The following NEMP2 variants were observed in gnomAD, a reference collection of about 807,000 sequenced individuals.
NEMP2 encodes nuclear envelope integral membrane protein 2.
NEMP2 carries 53 observed loss-of-function variants against 54.2 expected under a neutral mutation model. The observed-to-expected ratio is 0.98, with a 90% confidence interval of 0.78 to 1.23. The LOEUF (loss-of-function observed/expected upper bound fraction) is 1.23. NEMP2 is among the 50% of genes most tolerant of loss of function. The probability of loss-of-function intolerance (pLI) is 0.00; values close to 1 mark genes in which losing one functional copy is unlikely to be tolerated. For missense variants in NEMP2, 455 were observed against 511.3 expected (o/e 0.89, Z 1.06); for synonymous variants, 197 against 190.3 (o/e 1.04, Z -0.29).
chr2:190,443,687 C>G, the NEMP2 span, among the ~76,000 whole-genome samples: 2 of 152,126 alleles, frequency 1.3e-5, no homozygotes, highest in Non-Finnish European at 2.9e-5. This position sits in a 1 kb window ranked among gnomAD's most constrained non-coding sequence, Gnocchi z 4.2. Context: ...GGAGTTATAT[C>G]AAATTGGAAG....
the NEMP2 span, among the ~76,000 whole-genome samples, chr2:190,473,122 C>G: frequency 1.3e-5 from 2 of 152,202 alleles, no homozygotes; most frequent in African/African-American, 4.8e-5. Context: ...GTACCAGCTA[C>G]TGCAAAAACA....
Position 190,508,959 on chromosome 2 carries a change from G to A in NEMP2, c.*230C>T. 1.9e-6 allele frequency: 1 copy of A among 532,280 alleles called. No homozygotes were observed. Among genetic ancestry groups the A allele is most frequent in the South Asian group, 2.6e-5 (1 of 38,282 alleles). 33.0% of individuals were successfully genotyped at this position (532,280 alleles called of 1,614,324 possible). A position where few individuals can be genotyped will look rare whatever the true frequency, so the allele number is the denominator to read the frequency against. On this transcript the variant is annotated 3_prime_UTR_variant, in exon 9 of 9. Transcript: ENST00000409150. This position sits in a 1 kb window ranked among gnomAD's most constrained non-coding sequence, Gnocchi z 4.3. Reference sequence around the variant, plus strand: ...GCCTTCATTCAAGGTAAGTGGTAGTGGCTGTCACAGAATTTTGGTATCCAC... The same window carrying A: ...GCCTTCATTCAAGGTAAGTGGTAGTAGCTGTCACAGAATTTTGGTATCCAC...
chr2:190,455,780 C>A, the NEMP2 span, among the ~76,000 whole-genome samples: 1 of 150,654 alleles, frequency 6.6e-6, no homozygotes, highest in Non-Finnish European at 1.5e-5. Flanking sequence ...TTTTGTGATT[C>A]CTGTCACAAA....
At chr2:190,580,658 A>G in the NEMP2 span, among the ~76,000 whole-genome samples, 1 of 152,206 alleles carries the variant, frequency 6.6e-6, no homozygotes, top group Non-Finnish European at 1.5e-5. The surrounding 1 kb of genome is among the most constrained non-coding windows in gnomAD (Gnocchi z 5.3). Flanking sequence ...AAGACACTAC[A>G]GGATAAAGCT....
the NEMP2 span, among the ~76,000 whole-genome samples, chr2:190,453,525 C>G: frequency 6.6e-6 from 1 of 152,194 alleles, no homozygotes; most frequent in Non-Finnish European, 1.5e-5. Context: ...AAAGAAGGAA[C>G]ATGCCGTTAT....
chr2:190,516,122 A>T, intron 6 of NEMP2, 148 bp downstream of exon 6: 2 of 551,350 alleles, frequency 3.6e-6, no homozygotes, highest in Non-Finnish European at 6.4e-6. Context: ...TGGGAATAAG[A>T]TAAACAAAAT....
chr2:190,624,334 C>T, the NEMP2 span, among the ~76,000 whole-genome samples: 1 of 151,984 alleles, frequency 6.6e-6, no homozygotes, highest in African/African-American at 2.4e-5. Flanking sequence ...AGGGGAATAC[C>T]CATACATTGT....
chr2:190,530,214 C>T lies in NEMP2; in HGVS notation c.97+4345G>A, dbSNP rs1217183983. On this transcript the variant is annotated intron_variant, in intron 1 of 8. Transcript: ENST00000409150. The surrounding 1 kb of genome is among the most constrained non-coding windows in gnomAD (Gnocchi z 4.6). ...TCCTGACTGTTCATGCCTATAGACA[C>T]GCTAGTAAAAGCATGTTGCAGTGTT... 2.0e-5 allele frequency among the ~76,000 whole-genome samples: 3 copies of T among 152,186 alleles called. No homozygotes were observed. Among genetic ancestry groups the T allele is most frequent in the Non-Finnish European group, 4.4e-5 (3 of 68,034 alleles).
the NEMP2 span, among the ~76,000 whole-genome samples, chr2:190,439,796 A>G: frequency 1.2e-4 from 19 of 152,218 alleles, no homozygotes; most frequent in African/African-American, 4.6e-4. The surrounding 1 kb of genome is among the most constrained non-coding windows in gnomAD (Gnocchi z 5.8). Context: ...TTGAATTTTC[A>G]TTCTGTCCAT....
chr2:190,510,880 C>CAA lies in NEMP2; in HGVS notation c.954-345_954-344dup, dbSNP rs1212394251. Among the ~76,000 whole-genome samples the CAA allele has an allele frequency of 3.2e-5, 2 of 63,244 alleles. No homozygotes were observed. Among genetic ancestry groups the CAA allele is most frequent in the Admixed American group, 1.7e-4 (1 of 5,728 alleles). 41.5% of individuals were successfully genotyped at this position (63,244 alleles called of 152,430 possible). The stretch of plus-strand genomic sequence containing the variant: ...TGGGCGACAGAGGGAGACTCCGTCT[C>CAA]AAAAAAAAAAAAAAAAGATTTACAA... On this transcript the variant is annotated intron_variant, in intron 7 of 8. Transcript: ENST00000409150. The surrounding 1 kb of genome is among the most constrained non-coding windows in gnomAD (Gnocchi z 5.7).
chr2:190,579,509 A>T, the NEMP2 span, among the ~76,000 whole-genome samples: 1 of 152,174 alleles, frequency 6.6e-6, no homozygotes, highest in African/African-American at 2.4e-5. Flanking sequence ...AGATGTTATG[A>T]TTCTAGGACT....
chr2:190,476,235 CA>C, the NEMP2 span, among the ~76,000 whole-genome samples: 8 of 152,130 alleles, frequency 5.3e-5, no homozygotes, highest in Admixed American at 2.0e-4. Flanking sequence ...AGAGCTTCTG[CA>C]CAGCAAAAGA....
chr2:190,570,642 CA>C, the NEMP2 span, among the ~76,000 whole-genome samples: 1 of 152,202 alleles, frequency 6.6e-6, no homozygotes, highest in Non-Finnish European at 1.5e-5. The surrounding 1 kb of genome is among the most constrained non-coding windows in gnomAD (Gnocchi z 5.4). Flanking sequence ...CACCCTTTTC[CA>C]GGGGGGAATT....
chr2:190,635,361 C>T, the NEMP2 span, among the ~76,000 whole-genome samples: 1 of 152,226 alleles, frequency 6.6e-6, no homozygotes, highest in African/African-American at 2.4e-5. The surrounding 1 kb of genome is among the most constrained non-coding windows in gnomAD (Gnocchi z 4.1). Context: ...GGACCATGGG[C>T]ATGTGCCACC....
chr2:190,568,102 A>G, the NEMP2 span: 8 of 152,222 alleles, frequency 5.3e-5, no homozygotes, highest in East Asian at 1.5e-3. The surrounding 1 kb of genome is among the most constrained non-coding windows in gnomAD (Gnocchi z 4.7). Context: ...ATCTAAGAAA[A>G]TAAGGGGAAG....
chr2:190,581,951 T>C, the NEMP2 span, among the ~76,000 whole-genome samples: 1 of 152,156 alleles, frequency 6.6e-6, no homozygotes, highest in African/African-American at 2.4e-5. Context: ...AAATCGGGGA[T>C]TCCCTCCAAC....
the NEMP2 span, among the ~76,000 whole-genome samples, chr2:190,619,629 T>A: frequency 1.3e-5 from 2 of 152,180 alleles, no homozygotes; most frequent in Non-Finnish European, 2.9e-5. The surrounding 1 kb of genome is among the most constrained non-coding windows in gnomAD (Gnocchi z 5.5). Flanking sequence ...GATTGTTATA[T>A]ACAAATAATG....
the NEMP2 span, among the ~76,000 whole-genome samples, chr2:190,554,676 A>C: frequency 2.6e-5 from 4 of 151,778 alleles, no homozygotes; most frequent in African/African-American, 9.7e-5. This position sits in a 1 kb window ranked among gnomAD's most constrained non-coding sequence, Gnocchi z 5.7. Context: ...TATAGATAAA[A>C]CCCCCACTTC....
At chr2:190,463,738 T>A in the NEMP2 span, 1 of 294,546 alleles carries the variant, frequency 3.4e-6, no homozygotes, top group African/African-American at 2.3e-5. The surrounding 1 kb of genome is among the most constrained non-coding windows in gnomAD (Gnocchi z 4.4). Flanking sequence ...GAGGATCACC[T>A]GGGCTCTGGT....
Sources: gnomAD v4.1 joint callset for allele counts (sites outside exome capture counted in the v4.1 genomes callset) on GRCh38, gnomAD v4.1.1 for gene constraint, Gnocchi (gnomAD v3.1) non-coding constraint, MANE v1.5 for transcripts, NCBI Gene and HGNC (gene_info 2026-07-23, HGNC 2026-07-21) for gene names.